The following LMLN variants were observed in gnomAD, a reference collection of about 807,000 sequenced individuals.
LMLN encodes the protein leishmanolysin-like peptidase.
LMLN carries 70 observed loss-of-function variants against 92.3 expected under a neutral mutation model. That is an observed-to-expected ratio of 0.76 (90% CI 0.63 to 0.92). LMLN has a LOEUF of 0.92. Ranked by LOEUF, LMLN falls within the 40% of genes least tolerant of loss-of-function variation. LMLN has a pLI of 0.00. For synonymous variants in LMLN, 308 were observed against 296.2 expected (o/e 1.04, Z -0.41); for missense variants, 691 against 814.6 (o/e 0.85, Z 1.85).
intron 12 of LMLN, among the ~76,000 whole-genome samples, chr3:198,020,768 A>ATTGTTTTTTTTTTTT (rs1722756549): frequency 9.1e-5 from 3 of 32,870 alleles, no homozygotes; most frequent in African/African-American, 3.6e-4. Context: ...TAATTTTTGT[A>ATTGTTTTTTTTTTTT]TTTTTTTTTT....
At chr3:197,972,724 C>T (rs1190362543) in intron 1 of LMLN, among the ~76,000 whole-genome samples, 14 of 150,682 alleles carry the variant, frequency 9.3e-5, no homozygotes, top group East Asian at 1.9e-4. Context: ...TTGTAGCTGG[C>T]GTTTAACTTA....
At chr3:197,990,265 A>G (rs1435070999) in intron 8 of LMLN, among the ~76,000 whole-genome samples, 1 of 151,842 alleles carries the variant, frequency 6.6e-6, no homozygotes, top group East Asian at 1.9e-4. Context: ...GTCTTCCTGT[A>G]TTGCCTAGGC....
exon 16 of LMLN, chr3:198,043,217 C>G (rs1192840429): frequency 2.0e-5 from 3 of 152,292 alleles, no homozygotes; most frequent in African/African-American, 4.8e-5. Context: ...CTAATACCCT[C>G]TGACTAACAC....
chr3:197,967,672 A>G (rs962774943), intron 1 of LMLN, among the ~76,000 whole-genome samples: 6 of 152,172 alleles, frequency 3.9e-5, no homozygotes, highest in Admixed American at 3.3e-4. Flanking sequence ...AGAGCAGAGA[A>G]CCGGTCTGAC....
rs201700988 is a variant in LMLN, at chr3:197,984,365, TCAAA to T, written c.834+328_834+331del. On this transcript the variant is annotated intron_variant, in intron 7 of 15. Coordinates refer to ENST00000330198, the Ensembl canonical transcript of LMLN. ...CCTGGTGGTAGAGGCCGACTTTGTA[TCAAA>T]CAAACAAACAGAAAGATTTATAAAG... Among the ~76,000 whole-genome samples, 139 of 152,110 alleles carry T rather than the reference TCAAA, an allele frequency of 9.1e-4. 2 individuals are homozygous for T. The East Asian group carries it at 0.014, about 16-fold the overall frequency.
intron 11 of LMLN, among the ~76,000 whole-genome samples, chr3:198,009,446 T>A (rs528588477): frequency 9.1e-4 from 138 of 152,342 alleles, no homozygotes; most frequent in African/African-American, 3.1e-3. Flanking sequence ...GTACCATCTT[T>A]GTCTAGTTTC....
intron 14 of LMLN, among the ~76,000 whole-genome samples, chr3:198,026,271 C>G (rs138219845): frequency 8.5e-4 from 128 of 150,876 alleles, no homozygotes; most frequent in Non-Finnish European, 1.4e-3. Context: ...ATAGCACTAT[C>G]AAGATATATT....
intron 1 of LMLN, among the ~76,000 whole-genome samples, chr3:197,962,395 G>A (rs184607021): frequency 6.6e-6 from 1 of 152,130 alleles, no homozygotes; most frequent in African/African-American, 2.4e-5. Flanking sequence ...TGGGTATTTT[G>A]GTTTCTTCCA....
intron 14 of LMLN, among the ~76,000 whole-genome samples, chr3:198,034,116 G>A (rs1445504096): frequency 6.6e-6 from 1 of 152,194 alleles, no homozygotes; most frequent in African/African-American, 2.4e-5. Flanking sequence ...TGCTGGACTT[G>A]CTTCTGGGCA....
chr3:197,975,896 A>G, intron 3 of LMLN, 133 bp from the exon 4 acceptor site: 1 of 577,514 alleles, frequency 1.7e-6, no homozygotes, highest in East Asian at 3.0e-5. Flanking sequence ...TTGCCATACA[A>G]CCTTGACTAA....
intron 14 of LMLN, among the ~76,000 whole-genome samples, chr3:198,030,227 A>G (rs1723042484): frequency 6.6e-6 from 1 of 152,162 alleles, no homozygotes; most frequent in African/African-American, 2.4e-5. Context: ...GGAAAATAAG[A>G]ATTTAGTTGG....
chr3:197,980,209 G>T, intron 5 of LMLN, 117 bp from the exon 6 acceptor site: 1 of 774,242 alleles, frequency 1.3e-6, no homozygotes, highest in South Asian at 2.2e-5. Context: ...TAAAAGTTTA[G>T]GGATAATAAA....
At chr3:198,009,346 T>C (rs1722373858) in intron 11 of LMLN, among the ~76,000 whole-genome samples, 2 of 152,246 alleles carry the variant, frequency 1.3e-5, no homozygotes, top group African/African-American at 4.8e-5. Flanking sequence ...AGGATTGTTA[T>C]ATTTTCATAG....
chr3:197,989,228 G>A (rs1406664866), intron 8 of LMLN, among the ~76,000 whole-genome samples: 5 of 152,112 alleles, frequency 3.3e-5, no homozygotes, highest in Non-Finnish European at 5.9e-5. Flanking sequence ...CTGTTTCTAC[G>A]GAGATTCATC....
At chr3:198,037,821 C>T (rs946241680) in intron 15 of LMLN, among the ~76,000 whole-genome samples, 1 of 152,200 alleles carries the variant, frequency 6.6e-6, no homozygotes, top group Non-Finnish European at 1.5e-5. Flanking sequence ...TGCCCAAAAT[C>T]TGTAGAATCT....
chr3:198,005,638 C>CTT (rs745643545), intron 11 of LMLN, among the ~76,000 whole-genome samples: 48 of 140,574 alleles, frequency 3.4e-4, no homozygotes, highest in African/African-American at 7.5e-4. Context: ...TTTTCTTTTT[C>CTT]TTTTTTTTTT....
exon 10 of LMLN, chr3:197,996,235 G>C (rs965320415): frequency 6.2e-7 from 1 of 1,606,490 alleles, no homozygotes; most frequent in South Asian, 1.1e-5. Context: ...TGAAAATCAA[G>C]GTGGTGTGGG....
intron 1 of LMLN, among the ~76,000 whole-genome samples, chr3:197,962,656 A>G (rs1297866659): frequency 6.6e-6 from 1 of 151,764 alleles, no homozygotes; most frequent in Non-Finnish European, 1.5e-5. Flanking sequence ...ATCTTTAAAT[A>G]CCCCCTAGGT....
exon 6 of LMLN, chr3:197,980,484 G>A (rs1721525965): frequency 8.1e-6 from 13 of 1,613,412 alleles, no homozygotes; most frequent in Non-Finnish European, 1.0e-5. Context: ...CCTATTGTCA[G>A]CAGGAAGCAA....
Sources: gnomAD v4.1 joint callset for allele counts (sites outside exome capture counted in the v4.1 genomes callset) on GRCh38, gnomAD v4.1.1 for gene constraint, MANE v1.5 for transcripts, NCBI Gene and HGNC (gene_info 2026-07-23, HGNC 2026-07-21) for gene names.